ST6GALNAC2: variants seen among roughly 807,000 people sequenced by gnomAD.
The protein encoded by ST6GALNAC2 is ST6 N-acetylgalactosaminide alpha-2,6-sialyltransferase 2.
In ST6GALNAC2, 42 loss-of-function variants were observed where a neutral mutation model predicts 38.7. The observed-to-expected ratio is 1.09, with a 90% CI of 0.85 to 1.40. ST6GALNAC2 has a LOEUF of 1.40. Among genes scored for constraint, ST6GALNAC2 ranks in the 40% most tolerant of loss-of-function variants. The pLI is 0.00. For synonymous variants in ST6GALNAC2, 233 were observed against 209.0 expected, an observed-to-expected ratio of 1.11 and a Z score of -0.99; for missense variants, 506 against 481.7, an observed-to-expected ratio of 1.05 and a Z score of -0.47.
intron 5 of ST6GALNAC2, 49 bp from the exon 6 acceptor site, chr17:76,570,717 G>A (rs376824198): frequency 6.9e-7 from 1 of 1,448,274 alleles, no homozygotes; most frequent in East Asian, 2.3e-5. Context: ...GACATGTTTA[G>A]CTCCTCAGTG....
chr17:76,568,245 G>C (rs4491558), intron 7 of ST6GALNAC2: 72,332 of 169,994 alleles, frequency 0.43, 15,936 homozygotes, highest in South Asian at 0.59. Context: ...GGCACTTGCC[G>C]CCACCACCCT....
At chr17:76,581,740 G>A (rs1288647284) in intron 1 of ST6GALNAC2, among the ~76,000 whole-genome samples, 1 of 152,228 alleles carries the variant, frequency 6.6e-6, no homozygotes, top group Non-Finnish European at 1.5e-5. Context: ...GAGGGCGTAG[G>A]AAGGGGACCA....
intron 4 of ST6GALNAC2, among the ~76,000 whole-genome samples, chr17:76,572,987 G>T (rs925564433): frequency 1.3e-5 from 2 of 152,180 alleles, no homozygotes; most frequent in Non-Finnish European, 2.9e-5. Flanking sequence ...GGCCCTGGCG[G>T]CTGCTTCCTC....
rs1266868790 is a variant in ST6GALNAC2, at chr17:76,566,245, G to C, written c.984C>G (p.Ser328Arg). 2 of 1,614,132 alleles carry C rather than the reference G, an allele frequency of 1.2e-6. No homozygotes were observed. Among genetic ancestry groups the C allele is most frequent in the Non-Finnish European group, 1.7e-6 (2 of 1,180,028 alleles). Residue 328 changes from serine (S) to arginine (R), a missense_variant, in exon 9 of 9, where the codon AGC becomes AGG. By Grantham distance (110) the Ser-to-Arg change is moderately radical. Coordinates refer to ENST00000225276, the MANE Select transcript of ST6GALNAC2 (RefSeq NM_006456.3). ...DQVSAYGFIT[S>R]NYWKFSDHYF... ...AGTGGTCGGAAAATTTCCAGTAGTT[G>C]CTTGTGATGAATCCATAGGCACTGA... is the stretch of plus-strand genomic sequence containing the variant.
chr17:76,568,632 C>A (rs1005653492), intron 7 of ST6GALNAC2, 81 bp downstream of exon 7: 9 of 1,405,368 alleles, frequency 6.4e-6, no homozygotes, highest in Admixed American at 3.4e-5. Context: ...GGGGCTCGTG[C>A]GAGGGCGCTG....
In ST6GALNAC2 at chr17:76,567,721, G is replaced by C; in HGVS notation, c.858-169C>G. The C allele has an allele frequency of 5.6e-6, 3 of 533,954 alleles. No homozygotes were observed. In the East Asian group the frequency reaches 9.6e-5, roughly 17 times the overall value. 33.1% of individuals were successfully genotyped at this position (533,954 alleles called of 1,614,324 possible). A position where few individuals can be genotyped will look rare whatever the true frequency, so the allele number is the denominator to read the frequency against. On this transcript the variant is annotated intron_variant, in intron 7 of 8. Transcript: ENST00000225276. Reference sequence around the variant, plus strand: ...AATACAAAGATCTTTGAGACCTTAGGTAAGGTTGGGGGAGGGGGTGGTGAG... The same window carrying C: ...AATACAAAGATCTTTGAGACCTTAGCTAAGGTTGGGGGAGGGGGTGGTGAG...
chr17:76,575,620 G>T (rs921606318), intron 2 of ST6GALNAC2, among the ~76,000 whole-genome samples: 1 of 152,176 alleles, frequency 6.6e-6, no homozygotes, highest in East Asian at 1.9e-4. Flanking sequence ...GAACTGTGAC[G>T]ATTCAATTTC....
intron 1 of ST6GALNAC2, among the ~76,000 whole-genome samples, chr17:76,585,263 G>A (rs1217729228): frequency 6.6e-6 from 1 of 152,212 alleles, no homozygotes; most frequent in East Asian, 1.9e-4. Flanking sequence ...GTTGGAAACC[G>A]GAGACTTGGG....
chr17:76,578,155 AG>A (rs1399965705), intron 2 of ST6GALNAC2, among the ~76,000 whole-genome samples: 2 of 152,170 alleles, frequency 1.3e-5, no homozygotes, highest in Non-Finnish European at 2.9e-5. Context: ...GTTCTGAGCC[AG>A]GTTCCAGACA....
intron 2 of ST6GALNAC2, among the ~76,000 whole-genome samples, chr17:76,577,213 C>T (rs952559339): frequency 3.0e-4 from 46 of 151,402 alleles, no homozygotes; most frequent in African/African-American, 1.0e-3. Context: ...ATTACAGGCG[C>T]CTGCCACCAT....
In ST6GALNAC2 at chr17:76,573,159, TCCCTCCC is replaced by T; in HGVS notation, c.530+29_530+35del. The T allele has an allele frequency of 2.6e-6, 4 of 1,530,278 alleles. No individual in the cohort carries two copies. Among genetic ancestry groups the T allele is most frequent in the Non-Finnish European group, 3.6e-6 (4 of 1,120,796 alleles). The allele number at this position is 1,530,278 out of a possible 1,614,324, so 94.8% of individuals were successfully genotyped here. On this transcript the variant is annotated intron_variant, in intron 4 of 8. Coordinates refer to ENST00000225276, the MANE Select transcript of ST6GALNAC2 (RefSeq NM_006456.3). The surrounding 1 kb of genome is among the most constrained non-coding windows in gnomAD (Gnocchi z 5.1). ...GACACCCCCACCCTCCAGGCAACTC[TCCCTCCC>T]GCCCCTCCCCAGCTCCTACCCCTCA...
Position 76,573,761 on chromosome 17 carries a change from C to G in ST6GALNAC2, c.362-398G>C, listed in dbSNP as rs1483507312. On this transcript the variant is annotated intron_variant, in intron 3 of 8. Coordinates refer to ENST00000225276, the MANE Select transcript of ST6GALNAC2 (RefSeq NM_006456.3). The surrounding 1 kb of genome is among the most constrained non-coding windows in gnomAD (Gnocchi z 5.1). ...TGGGCAACATGGTGAAACCATGTCT[C>G]TATTAAAAATACAAAAATTAGCCAG... 6.6e-6 allele frequency among the ~76,000 whole-genome samples: 1 copy of G among 152,074 alleles called. No homozygotes were observed. Among genetic ancestry groups the G allele is most frequent in the Non-Finnish European group, 1.5e-5 (1 of 68,022 alleles).
chr17:76,584,717 T>C (rs72873945), intron 1 of ST6GALNAC2, among the ~76,000 whole-genome samples: 1 of 152,290 alleles, frequency 6.6e-6, no homozygotes, highest in Non-Finnish European at 1.5e-5. Context: ...CAACTTTTGG[T>C]GTATCCTTTG....
Position 76,583,104 on chromosome 17 carries a change from G to A in ST6GALNAC2, c.125+2580C>T, listed in dbSNP as rs149210854. On this transcript the variant is annotated intron_variant, in intron 1 of 8. Transcript: ENST00000225276. ...AAATGTATTACTCGGGGCTGGGCGCGGTGGCTCACGCCTATAATCCCAGCA... is the reference window on the plus strand; with the variant it reads ...AAATGTATTACTCGGGGCTGGGCGCAGTGGCTCACGCCTATAATCCCAGCA... 3.3e-3 allele frequency among the ~76,000 whole-genome samples: 509 copies of A among 152,214 alleles called. 5 individuals carry two copies. Among genetic ancestry groups the A allele is most frequent in the Non-Finnish European group, 5.4e-3 (365 of 68,018 alleles).
Position 76,582,534 on chromosome 17 carries a change from G to A in ST6GALNAC2, c.125+3150C>T, listed in dbSNP as rs953755580. 2.0e-5 allele frequency among the ~76,000 whole-genome samples: 3 copies of A among 152,116 alleles called. No homozygotes were observed. In the South Asian group the frequency reaches 6.2e-4, roughly 32 times the overall value. On this transcript the variant is annotated intron_variant, in intron 1 of 8. Coordinates refer to ENST00000225276, the MANE Select transcript of ST6GALNAC2 (RefSeq NM_006456.3). ...AAAAACATAACGTTGACAATGGATA[G>A]TAACTGGCAGCCCTATGTTGATTCT...
intron 5 of ST6GALNAC2, among the ~76,000 whole-genome samples, chr17:76,571,399 G>A (rs2075352482): frequency 6.6e-6 from 1 of 152,160 alleles, no homozygotes; most frequent in Middle Eastern, 3.2e-3. Context: ...TTCAAGACCA[G>A]CCTGGCCAAC....
At chr17:76,567,832 C>G in intron 7 of ST6GALNAC2, 1 of 366,794 alleles carries the variant, frequency 2.7e-6, no homozygotes, top group Non-Finnish European at 5.2e-6. Flanking sequence ...GCATAGGTGG[C>G]CTGTTTATTT....
At chr17:76,575,054 T>C (rs1307623513) in intron 2 of ST6GALNAC2, among the ~76,000 whole-genome samples, 5 of 152,146 alleles carry the variant, frequency 3.3e-5, no homozygotes, top group African/African-American at 4.8e-5. Context: ...GCTCTTCCTC[T>C]CCCAGAGGCC....
intron 1 of ST6GALNAC2, among the ~76,000 whole-genome samples, chr17:76,580,485 G>C (rs1436938540): frequency 6.6e-6 from 1 of 151,896 alleles, no homozygotes; most frequent in Non-Finnish European, 1.5e-5. Flanking sequence ...CACAAGTTCA[G>C]GAGATCGAGA....
Sources: gnomAD v4.1 joint callset for allele counts (sites outside exome capture counted in the v4.1 genomes callset) on GRCh38, gnomAD v4.1.1 for gene constraint, Gnocchi (gnomAD v3.1) non-coding constraint, MANE v1.5 for transcripts, NCBI Gene and HGNC (gene_info 2026-07-23, HGNC 2026-07-21) for gene names.